KAZN: variants seen among roughly 807,000 people sequenced by gnomAD.
The protein encoded by KAZN is kazrin.
A neutral mutation model predicts 87.4 loss-of-function variants in KAZN; 40 were observed. The observed-to-expected ratio is 0.46, with a 90% confidence interval of 0.36 to 0.60. KAZN has a LOEUF of 0.60. Among genes scored for constraint, KAZN ranks in the 20% least tolerant of loss-of-function variants. KAZN has a pLI of 0.00. For synonymous variants in KAZN, 466 were observed against 458.3 expected (o/e 1.02, Z -0.22); for missense variants, 898 against 1,073.9 (o/e 0.84, Z 2.29).
At chr1:14,924,850 G>A (rs1317386641) in intron 1 of KAZN, among the ~76,000 whole-genome samples, 2 of 152,150 alleles carry the variant, frequency 1.3e-5, no homozygotes, top group Non-Finnish European at 1.5e-5. Context: ...TGGAGACCCA[G>A]CTCCGGGCTG....
intron 2 of KAZN, among the ~76,000 whole-genome samples, chr1:14,377,164 G>A (rs950449927): frequency 2.6e-5 from 4 of 152,202 alleles, no homozygotes; most frequent in African/African-American, 4.8e-5. Context: ...ATTCTAAGTT[G>A]GCTAGCTGCT....
intron 1 of KAZN, among the ~76,000 whole-genome samples, chr1:14,722,971 A>T (rs1456089028): frequency 2.6e-5 from 4 of 152,070 alleles, no homozygotes; most frequent in Non-Finnish European, 5.9e-5. Context: ...AAATTTTTTT[A>T]AAAACTTAGC....
intron 1 of KAZN, among the ~76,000 whole-genome samples, chr1:14,845,223 ATGGATGGATGGATGGATGGGTGAGTGGG>A (rs1648582935): frequency 1.4e-5 from 2 of 139,716 alleles, no homozygotes. Context: ...GGGTGGGTGG[ATGGATGGATGGATGGATGGGTGAGTGGG>A]TGGATGGTTG....
chr1:14,199,422 G>A (rs1423131381), intron 2 of KAZN, among the ~76,000 whole-genome samples: 4 of 152,232 alleles, frequency 2.6e-5, no homozygotes, highest in East Asian at 3.9e-4. Context: ...GTCACCTCTC[G>A]CAGGGCCCTT....
At chr1:14,990,272 G>T (rs1192372581) in intron 2 of KAZN, among the ~76,000 whole-genome samples, 1 of 152,116 alleles carries the variant, frequency 6.6e-6, no homozygotes, top group Non-Finnish European at 1.5e-5. Flanking sequence ...ACCCAAGCTG[G>T]AGTGCAGTGG....
chr1:14,919,232 A>T (rs563110613), intron 1 of KAZN, among the ~76,000 whole-genome samples: 1 of 152,324 alleles, frequency 6.6e-6, no homozygotes, highest in African/African-American at 2.4e-5. Flanking sequence ...GCTGGAGTGC[A>T]GTGGCACGAT....
chr1:15,081,065 C>T lies in KAZN; in HGVS notation c.1223-13115C>T, dbSNP rs913591097. Among the ~76,000 whole-genome samples, 2 of 152,272 alleles carry T rather than the reference C, an allele frequency of 1.3e-5. No homozygotes were observed. Among genetic ancestry groups the T allele is most frequent in the African/African-American group, 4.8e-5 (2 of 41,476 alleles). ...ATAAGAGGGGCCACAGGTGACCCTGCTGTGGCTGGAAGAGGCGTGGACGAG... is the reference window on the plus strand; with the variant it reads ...ATAAGAGGGGCCACAGGTGACCCTGTTGTGGCTGGAAGAGGCGTGGACGAG... On this transcript the variant is annotated intron_variant, in intron 8 of 14. Transcript: ENST00000376030. The surrounding 1 kb of genome is among the most constrained non-coding windows in gnomAD (Gnocchi z 4.1).
chr1:14,084,854 A>G (rs532026595), intron 1 of KAZN, among the ~76,000 whole-genome samples: 3 of 152,130 alleles, frequency 2.0e-5, no homozygotes. Context: ...CGTTGTGCAC[A>G]TGTACCCTAA....
At chr1:14,429,485 C>G (rs1480565254) in intron 2 of KAZN, among the ~76,000 whole-genome samples, 1 of 152,174 alleles carries the variant, frequency 6.6e-6, no homozygotes, top group East Asian at 1.9e-4. Flanking sequence ...TCACCAGTTT[C>G]AAAAGAGTTA....
At chr1:15,022,227 C>T (rs368364389) in intron 2 of KAZN, among the ~76,000 whole-genome samples, 6 of 152,144 alleles carry the variant, frequency 3.9e-5, no homozygotes, top group African/African-American at 1.2e-4. Flanking sequence ...TGGCTCCAAA[C>T]GGGTCTATCC....
chr1:14,841,401 G>A (rs1385073139), intron 1 of KAZN, among the ~76,000 whole-genome samples: 22 of 101,028 alleles, frequency 2.2e-4, no homozygotes, highest in Admixed American at 4.8e-4. Context: ...GCAAGACTCC[G>A]TCTCAAAAAA....
chr1:14,989,621 C>A lies in KAZN; in HGVS notation c.418+28746C>A, dbSNP rs189369912. Among the ~76,000 whole-genome samples, 156 of 152,330 alleles carry A rather than the reference C, an allele frequency of 1.0e-3. 1 individual carries two copies. The highest frequency in any genetic ancestry group is 3.5e-3 in the African/African-American group (145 of 41,566). On this transcript the variant is annotated intron_variant, in intron 2 of 14. Transcript: ENST00000376030. The stretch of plus-strand genomic sequence containing the variant: ...GCTCTGATGCACAGCATCTGCAGGA[C>A]CTTGGGCCAGCTACTCAGCCCCTCT...
intron 1 of KAZN, among the ~76,000 whole-genome samples, chr1:14,608,248 C>T (rs1274420760): frequency 1.3e-5 from 2 of 152,234 alleles, no homozygotes; most frequent in Non-Finnish European, 2.9e-5. Flanking sequence ...TTCCTCGCTT[C>T]TCTCTGTCTC....
intron 1 of KAZN, among the ~76,000 whole-genome samples, chr1:14,688,768 C>T (rs902531176): frequency 6.6e-6 from 1 of 152,232 alleles, no homozygotes; most frequent in Non-Finnish European, 1.5e-5. Flanking sequence ...TCTTTTAATT[C>T]ACGGATGTAT....
Position 15,065,699 on chromosome 1 carries a change from C to G in KAZN, c.1168C>G (p.Arg390Gly). The change falls in exon 8 of 15, where the codon CGC (arginine) becomes GGC (glycine). Residue 390 changes from arginine (R) to glycine (G), a missense_variant. Around this residue, in one of 3 missense-constraint regions of KAZN, gnomAD observed 521 missense variants for 689.4 expected, o/e 0.76. Transcript: ENST00000376030. The stretch of plus-strand genomic sequence containing the variant: ...GAAGATGGGATTCGGCTCCATCTCC[C>G]GCGTCTTCGCCAGAGGGAAGCAGCG... ...KEKMGFGSIS[R>G]VFARGKQRKS... is the part of the protein sequence containing the mutation. The G allele has an allele frequency of 6.2e-7, 1 of 1,614,214 alleles. No individual in the cohort carries two copies. The highest frequency in any genetic ancestry group is 1.3e-5 in the African/African-American group (1 of 75,070).
intron 1 of KAZN, among the ~76,000 whole-genome samples, chr1:14,898,930 C>T (rs1303560898): frequency 6.6e-6 from 1 of 152,222 alleles, no homozygotes; most frequent in Admixed American, 6.5e-5. Flanking sequence ...CAGATTGCCC[C>T]TTGCTCCCAG....
chr1:14,965,482 GA>G (rs1664354627), intron 2 of KAZN, among the ~76,000 whole-genome samples: 1 of 152,234 alleles, frequency 6.6e-6, no homozygotes, highest in Non-Finnish European at 1.5e-5. Context: ...CAATGATAGT[GA>G]AAATTTGCTT....
intron 2 of KAZN, among the ~76,000 whole-genome samples, chr1:14,552,943 C>T (rs74057829): frequency 0.038 from 5,774 of 152,130 alleles, 357 homozygotes; most frequent in African/African-American, 0.13. Flanking sequence ...TGGGCTACAG[C>T]GGACTGGGGC....
In KAZN at chr1:15,088,885, T is replaced by C. The variant is rs1314045841; in HGVS notation, c.1223-5295T>C. Among the ~76,000 whole-genome samples the C allele has an allele frequency of 2.0e-5, 3 of 152,168 alleles. No individual in the cohort carries two copies. The East Asian group carries it at 5.8e-4, about 30-fold the overall frequency. On this transcript the variant is annotated intron_variant, in intron 8 of 14. Transcript: ENST00000376030. ...CCTGGCCTCTGGCATTCCTAGGGCC[T>C]GGACTCCATAAATAATGCGAGCTGT... is the stretch of plus-strand genomic sequence containing the variant.
Sources: allele counts gnomAD v4.1 joint callset (sites outside exome capture counted in the v4.1 genomes callset), GRCh38; gene constraint gnomAD v4.1.1; regional missense constraint gnomAD v4.1.1; non-coding constraint Gnocchi (gnomAD v3.1); transcripts MANE v1.5; gene names NCBI Gene and HGNC (gene_info 2026-07-23, HGNC 2026-07-21).